The following DNAJA4 variants were observed in gnomAD, a reference collection of about 807,000 sequenced individuals.
DNAJA4 encodes the protein dnaJ homolog subfamily A member 4.
Under a neutral mutation model 39.7 loss-of-function variants are expected in DNAJA4, and 32 were observed. The observed-to-expected ratio is 0.81, with a 90% CI of 0.61 to 1.08. The LOEUF (loss-of-function observed/expected upper bound fraction) is 1.08. Among genes scored for constraint, DNAJA4 ranks in the 50% least tolerant of loss-of-function variants. The pLI is 0.00. For missense variants in DNAJA4, 439 were observed against 505.1 expected, an observed-to-expected ratio of 0.87 and a Z score of 1.25; for synonymous variants, 184 against 182.4, an observed-to-expected ratio of 1.01 and a Z score of -0.07.
intron 4 of DNAJA4, chr15:78,275,278 TC>T: frequency 1.8e-6 from 1 of 557,414 alleles, no homozygotes. Flanking sequence ...ATTCCCCCAC[TC>T]CCTGTGCATG....
intron 5 of DNAJA4, among the ~76,000 whole-genome samples, chr15:78,276,954 T>C (rs931173596): frequency 6.6e-6 from 1 of 152,254 alleles, no homozygotes; most frequent in African/African-American, 2.4e-5. Flanking sequence ...TCTTGGATTC[T>C]TTCAGGTTCC....
In DNAJA4 at chr15:78,279,194, T is replaced by C. The variant is rs973317804; in HGVS notation, c.878-851T>C. 2.0e-5 allele frequency: 3 copies of C among 152,198 alleles called. No individual in the cohort carries two copies. Among genetic ancestry groups the C allele is most frequent in the African/African-American group, 7.2e-5 (3 of 41,438 alleles). 9.4% of individuals were successfully genotyped at this position (152,198 alleles called of 1,614,324 possible). ...TTGAAGAGACAGCTCACTTTCTACA[T>C]AGTCCCGTATGGAAGTGGACTGCTG... On this transcript the variant is annotated intron_variant, in intron 5 of 6. Coordinates refer to ENST00000394852, the MANE Select transcript of DNAJA4 (RefSeq NM_001130182.2). This position sits in a 1 kb window ranked among gnomAD's most constrained non-coding sequence, Gnocchi z 4.5.
chr15:78,264,328 C>A, upstream of DNAJA4: 1 of 1,419,468 alleles, frequency 7.0e-7, no homozygotes, highest in Non-Finnish European at 9.2e-7. Context: ...CCCGGGGCGG[C>A]AGTCAGAGCT....
In DNAJA4 at chr15:78,281,035, T is replaced by C. The variant is rs189679375; in HGVS notation, c.*575T>C. The C allele has an allele frequency of 4.3e-3, 658 of 154,822 alleles. 3 individuals carry two copies. Among genetic ancestry groups the C allele is most frequent in the South Asian group, 0.011 (53 of 4,918 alleles). 9.6% of individuals were successfully genotyped at this position (154,822 alleles called of 1,614,324 possible). A position where few individuals can be genotyped will look rare whatever the true frequency, so the allele number is the denominator to read the frequency against. ...TGCTTAACAGGGCCAACTTAGTTCCTACTGTTCTGTGCCCTTCAGTGGATG... is the reference window on the plus strand; with the variant it reads ...TGCTTAACAGGGCCAACTTAGTTCCCACTGTTCTGTGCCCTTCAGTGGATG... On this transcript the variant is annotated 3_prime_UTR_variant, in exon 7 of 7. Coordinates refer to ENST00000394852, the MANE Select transcript of DNAJA4 (RefSeq NM_001130182.2).
At chr15:78,273,367 T>G (rs916749202) in intron 3 of DNAJA4, among the ~76,000 whole-genome samples, 168 bp downstream of exon 3, 1 of 152,266 alleles carries the variant, frequency 6.6e-6, no homozygotes, top group African/African-American at 2.4e-5. Context: ...TGAATGAATG[T>G]TTTCTTTGGG....
At chr15:78,264,213 GC>G, upstream of DNAJA4, 1 of 844,268 alleles carries the variant, frequency 1.2e-6, no homozygotes, top group South Asian at 2.8e-5. Context: ...CAGCCAGCCG[GC>G]TCCACGGACC....
In DNAJA4 at chr15:78,279,883, C is replaced by T. The variant is rs1327111704; in HGVS notation, c.878-162C>T. On this transcript the variant is annotated intron_variant, in intron 5 of 6. Transcript: ENST00000394852. The surrounding 1 kb of genome is among the most constrained non-coding windows in gnomAD (Gnocchi z 4.5). ...AGCCCCTTCCCCAGGCAGTACCTGA[C>T]AAGGATACCTGGGATTGGGGCCAGC... 4 of 642,794 alleles carry T rather than the reference C, an allele frequency of 6.2e-6. No individual in the cohort carries two copies. Among genetic ancestry groups the T allele is most frequent in the Non-Finnish European group, 8.1e-6 (3 of 370,728 alleles). 39.8% of individuals were successfully genotyped at this position (642,794 alleles called of 1,614,324 possible).
chr15:78,264,871 C>T lies in DNAJA4; in HGVS notation c.108C>T (p.Asp36=), dbSNP rs542475480. 1.0e-4 allele frequency: 162 copies of T among 1,605,676 alleles called. 1 individual carries two copies. The South Asian group carries it at 1.7e-3, about 17-fold the overall frequency. The change falls in exon 1 of 7, where the codon GAC becomes GAT. Residue 36 remains aspartate (D), a synonymous_variant. Coordinates refer to ENST00000394852, the MANE Select transcript of DNAJA4 (RefSeq NM_001130182.2). ...AGCTGGCGCTCAAGTACCACCCGGA[C>T]AAGAACCCGGATGAGGGCGAGAAGG... The part of the protein sequence containing the change: ...YRKLALKYHP[D]KNPDEGEKFK...
chr15:78,277,909 GTTTGTCCT>G (rs1412798036), intron 5 of DNAJA4: 4 of 378,422 alleles, frequency 1.1e-5, no homozygotes, highest in African/African-American at 8.5e-5. Flanking sequence ...TTGGGGATTT[GTTTGTCCT>G]TTTTGTTTTG....
chr15:78,273,268 T>TAA (rs2049353591), intron 3 of DNAJA4, 69 bp downstream of exon 3: 11 of 980,476 alleles, frequency 1.1e-5, no homozygotes, highest in Non-Finnish European at 1.8e-5. Context: ...GCTTGTTTTA[T>TAA]AGTTCAGGGA....
At chr15:78,272,739 T>C (rs2141447121) in intron 2 of DNAJA4, among the ~76,000 whole-genome samples, 1 of 152,390 alleles carries the variant, frequency 6.6e-6, no homozygotes, top group South Asian at 2.1e-4. Flanking sequence ...ACTCCTTTCA[T>C]GGGGAAACTT....
intron 3 of DNAJA4, 49 bp downstream of exon 3, chr15:78,273,248 C>G: frequency 9.5e-7 from 1 of 1,048,230 alleles, no homozygotes; most frequent in Non-Finnish European, 1.5e-6. Context: ...CCCTTAGATT[C>G]AGAAACAATG....
intron 5 of DNAJA4, among the ~76,000 whole-genome samples, chr15:78,277,600 G>C (rs1271275549): frequency 6.6e-6 from 1 of 152,152 alleles, no homozygotes; most frequent in South Asian, 2.1e-4. Flanking sequence ...ATGCCCTTAC[G>C]TGGTCACAGC....
Position 78,278,826 on chromosome 15 carries a change from ATTTTTTTTT to A in DNAJA4, c.878-1203_878-1195del, listed in dbSNP as rs33990133. Among the ~76,000 whole-genome samples the A allele has an allele frequency of 4.6e-5, 4 of 87,490 alleles. No homozygotes were observed. The East Asian group carries it at 1.3e-3, about 29-fold the overall frequency. 57.4% of individuals were successfully genotyped at this position (87,490 alleles called of 152,430 possible). On this transcript the variant is annotated intron_variant, in intron 5 of 6. Coordinates refer to ENST00000394852, the MANE Select transcript of DNAJA4 (RefSeq NM_001130182.2). ...ACCACCATTCCTGGCTAGTTTTTCT[ATTTTTTTTT>A]TTTTTTTTTTTTTTTAGTAGAGACG...
intron 1 of DNAJA4, chr15:78,265,854 T>A: frequency 1.6e-6 from 1 of 606,644 alleles, no homozygotes; most frequent in Non-Finnish European, 2.9e-6. Context: ...ACCACACCAA[T>A]CACCCATGTA....
intron 5 of DNAJA4, among the ~76,000 whole-genome samples, chr15:78,276,943 CTCTT>C (rs2049482493): frequency 6.6e-6 from 1 of 152,202 alleles, no homozygotes; most frequent in Admixed American, 6.5e-5. Flanking sequence ...TCTCTTTCCT[CTCTT>C]GGATTCTTTC....
intron 1 of DNAJA4, chr15:78,270,149 C>T (rs1895675312): frequency 5.6e-6 from 1 of 178,978 alleles, no homozygotes; most frequent in African/African-American, 2.4e-5. Context: ...CTGGCTCTAT[C>T]TGGTTAGAGG....
At chr15:78,273,064 A>G (rs1434529074) in intron 2 of DNAJA4, 31 bp from the exon 3 acceptor site, 1 of 1,256,996 alleles carries the variant, frequency 8.0e-7, no homozygotes, top group Non-Finnish European at 1.2e-6. Context: ...ATTTCATTCA[A>G]CGCCACTAAT....
At chr15:78,264,211 C>G (rs1424114470), upstream of DNAJA4, 1 of 822,818 alleles carries the variant, frequency 1.2e-6, no homozygotes, top group Non-Finnish European at 1.7e-6. Flanking sequence ...TCCAGCCAGC[C>G]GGCTCCACGG....
Sources: gnomAD v4.1 joint callset for allele counts (sites outside exome capture counted in the v4.1 genomes callset) on GRCh38, gnomAD v4.1.1 for gene constraint, Gnocchi (gnomAD v3.1) non-coding constraint, MANE v1.5 for transcripts, NCBI Gene and HGNC (gene_info 2026-07-23, HGNC 2026-07-21) for gene names.